QSOX2: variants seen among roughly 807,000 people sequenced by gnomAD.
QSOX2 encodes quiescin sulfhydryl oxidase 2, also known as sulfhydryl oxidase 2.
Under a neutral mutation model 61.7 loss-of-function variants are expected in QSOX2, and 46 were observed. The ratio of observed to expected loss-of-function variants is 0.75; its 90% CI spans 0.59 to 0.95. The LOEUF is 0.95. Ranked by LOEUF, QSOX2 falls within the 40% of genes least tolerant of loss-of-function variation. The pLI is 0.00. For synonymous variants in QSOX2, 383 were observed against 388.4 expected, an observed-to-expected ratio of 0.99 and a Z score of 0.16; for missense variants, 879 against 918.9, an observed-to-expected ratio of 0.96 and a Z score of 0.56.
chr9:136,244,429 A>C (rs967806351), intron 1 of QSOX2, among the ~76,000 whole-genome samples: 3 of 152,256 alleles, frequency 2.0e-5, no homozygotes, highest in Non-Finnish European at 4.4e-5. Flanking sequence ...CTTGAAAAAA[A>C]GTTTCTTTAC....
chr9:136,218,648 A>C (rs1370935869), intron 8 of QSOX2, 31 bp downstream of exon 8: 11 of 1,603,574 alleles, frequency 6.9e-6, no homozygotes, highest in Admixed American at 1.7e-5. Context: ...CCAAATTCCC[A>C]CATGCAGCCC....
rs774298291 is a variant in QSOX2 at position 136,226,888 on chromosome 9, G to A, written c.329-14C>T. On this transcript the variant is annotated splice_polypyrimidine_tract_variant and intron_variant, in intron 1 of 11. Coordinates refer to ENST00000358701, the MANE Select transcript of QSOX2 (RefSeq NM_181701.4). ...CACTGGCCCAGTCTGAAAAGCAGGAGCATGACCTTCAGTGTGGTGAGCACT... is the reference window on the plus strand; with the variant it reads ...CACTGGCCCAGTCTGAAAAGCAGGAACATGACCTTCAGTGTGGTGAGCACT... The A allele has an allele frequency of 5.0e-6, 8 of 1,611,172 alleles. No individual in the cohort carries two copies. Among genetic ancestry groups the A allele is most frequent in the Non-Finnish European group, 6.8e-6 (8 of 1,177,466 alleles).
At chr9:136,229,864 C>T (rs1033224846) in intron 1 of QSOX2, among the ~76,000 whole-genome samples, 2 of 152,232 alleles carry the variant, frequency 1.3e-5, no homozygotes, top group Non-Finnish European at 2.9e-5. Flanking sequence ...TCTATCTTCC[C>T]GTAGATCTTG....
Position 136,209,486 on chromosome 9 carries a change from G to C in QSOX2, c.1550-211C>G, listed in dbSNP as rs1466656767. 1 of 985,194 alleles carries C rather than the reference G, an allele frequency of 1.0e-6. No homozygotes were observed. Among genetic ancestry groups the C allele is most frequent in the Non-Finnish European group, 1.2e-6 (1 of 829,912 alleles). The allele number at this position is 985,194 out of a possible 1,614,324, so 61.0% of individuals were successfully genotyped here. A position where few individuals can be genotyped will look rare whatever the true frequency, so the allele number is the denominator to read the frequency against. On this transcript the variant is annotated intron_variant, in intron 11 of 11. Coordinates refer to ENST00000358701, the MANE Select transcript of QSOX2 (RefSeq NM_181701.4). The surrounding 1 kb of genome is among the most constrained non-coding windows in gnomAD (Gnocchi z 5.6). ...CCTGCTTCTGCAGGCCCCTGCGCACGTGTTCCCCTCTGCCGGTTCCCATAG... is the reference window on the plus strand; with the variant it reads ...CCTGCTTCTGCAGGCCCCTGCGCACCTGTTCCCCTCTGCCGGTTCCCATAG...
At chr9:136,210,232 A>G in intron 11 of QSOX2, 2 of 985,486 alleles carry the variant, frequency 2.0e-6, no homozygotes, top group Non-Finnish European at 2.4e-6. Flanking sequence ...AGAAGACCCC[A>G]GGCACATCTC....
intron 3 of QSOX2, among the ~76,000 whole-genome samples, 189 bp downstream of exon 3, chr9:136,224,672 A>G (rs944832140): frequency 1.3e-5 from 2 of 152,274 alleles, no homozygotes; most frequent in African/African-American, 2.4e-5. Flanking sequence ...CAAGCAAGGC[A>G]AAGCACAAAA....
chr9:136,211,742 G>A (rs551812780), intron 10 of QSOX2, among the ~76,000 whole-genome samples: 7 of 152,320 alleles, frequency 4.6e-5, no homozygotes, highest in South Asian at 2.1e-4. Flanking sequence ...GGACTCGGCC[G>A]CCAGGGCCCA....
chr9:136,216,215 ACTGGCACCTG>A (rs1366686355), intron 9 of QSOX2, among the ~76,000 whole-genome samples: 5 of 152,168 alleles, frequency 3.3e-5, no homozygotes, highest in Non-Finnish European at 7.4e-5. Context: ...CTGAGCAAAG[ACTGGCACCTG>A]CTGGCACCTG....
intron 1 of QSOX2, among the ~76,000 whole-genome samples, chr9:136,236,020 G>C (rs532462871): frequency 1.3e-5 from 2 of 152,334 alleles, no homozygotes; most frequent in Non-Finnish European, 2.9e-5. Context: ...GTCTCCCTCT[G>C]GGTCCGAAGT....
intron 8 of QSOX2, among the ~76,000 whole-genome samples, chr9:136,217,496 T>C (rs1489712782): frequency 6.6e-6 from 1 of 152,158 alleles, no homozygotes; most frequent in Non-Finnish European, 1.5e-5. Flanking sequence ...GTCCAATATA[T>C]TTTCTCCCGT....
chr9:136,219,105 T>C lies in QSOX2; in HGVS notation c.881A>G (p.Lys294Arg), dbSNP rs1303907697. 18 of 1,613,998 alleles carry C rather than the reference T, an allele frequency of 1.1e-5. No individual in the cohort carries two copies. The highest frequency in any genetic ancestry group is 1.4e-5 in the Non-Finnish European group (17 of 1,180,044). Residue 294 changes from lysine (K) to arginine (R), a missense_variant, in exon 7 of 12, where the codon AAA becomes AGA. Lys to Arg is a conservative substitution (Grantham distance 26, BLOSUM62 2). Coordinates refer to ENST00000358701, the MANE Select transcript of QSOX2 (RefSeq NM_181701.4). ...CTTTTCAGGCAAGGGAAGCGATTTT[T>C]TCCTCACATCCGGCAATGACTTCAA... is the stretch of plus-strand genomic sequence containing the variant. ...SYLKSLPDVR[K>R]KSLPLPEKPH... is the part of the protein sequence containing the mutation.
At position 136,209,206 on chromosome 9, in the gene QSOX2, T is replaced by C. The variant is rs748403670; in HGVS notation, c.1619A>G (p.His540Arg). The C allele has an allele frequency of 1.2e-6, 2 of 1,614,114 alleles. No homozygotes were observed. The highest frequency in any genetic ancestry group is 2.7e-5 in the African/African-American group (2 of 75,028). Residue 540 changes from histidine to arginine, a missense_variant, in exon 12 of 12, where the codon CAT (histidine) becomes CGT (arginine). His to Arg is a conservative substitution (Grantham distance 29). Coordinates refer to ENST00000358701, the MANE Select transcript of QSOX2 (RefSeq NM_181701.4). This position sits in a 1 kb window ranked among gnomAD's most constrained non-coding sequence, Gnocchi z 5.6. ...GCTGGCCAGGCCCTTAATTTCCTCA[T>C]GGCAGGCTGGGCAGAGGTCCGGAGT... ...WPTPDLCPAC[H>R]EEIKGLASWD...
intron 1 of QSOX2, among the ~76,000 whole-genome samples, chr9:136,241,235 C>T (rs910918295): frequency 7.2e-5 from 11 of 152,326 alleles, no homozygotes; most frequent in Non-Finnish European, 2.9e-5. Context: ...CCTCCACTGC[C>T]CAACTCTTCC....
chr9:136,210,620 GCAAAGAAAAACCAA>G, intron 11 of QSOX2: 1 of 985,448 alleles, frequency 1.0e-6, no homozygotes, highest in Non-Finnish European at 1.2e-6. Flanking sequence ...CAGGCTCAGG[GCAAAGAAAAACCAA>G]TTTCTTTAGT....
chr9:136,237,082 CTGTGCCACACCTGGAGCCTGTCT>C (rs1359892889), intron 1 of QSOX2, among the ~76,000 whole-genome samples: 3 of 139,446 alleles, frequency 2.2e-5, no homozygotes, highest in Admixed American at 7.3e-5. Context: ...GGTGCCCGTC[CTGTGCCACACCTGGAGCCTGTCT>C]TGTGCCACAC....
intron 1 of QSOX2, among the ~76,000 whole-genome samples, chr9:136,228,868 A>G (rs1165641701): frequency 3.3e-5 from 5 of 152,188 alleles, no homozygotes; most frequent in East Asian, 1.9e-4. Context: ...CAATGATTCC[A>G]CTATAAATCA....
chr9:136,239,601 C>CA (rs2131070308), intron 1 of QSOX2, among the ~76,000 whole-genome samples: 1 of 152,388 alleles, frequency 6.6e-6, no homozygotes, highest in East Asian at 1.9e-4. Flanking sequence ...CCCCTGCACA[C>CA]ACTGCAGGGC....
chr9:136,211,029 G>A (rs566060051), intron 11 of QSOX2: 80 of 548,180 alleles, frequency 1.5e-4, no homozygotes, highest in Non-Finnish European at 1.7e-4. Flanking sequence ...CCACGGGGTC[G>A]AAGAGCCCCC....
intron 9 of QSOX2, 97 bp from the exon 10 acceptor site, chr9:136,215,401 T>C: frequency 1.4e-5 from 7 of 484,208 alleles, no homozygotes; most frequent in Non-Finnish European, 2.1e-5. Flanking sequence ...GGGGGGTGGA[T>C]AATGGGGGTG....
Sources: gnomAD v4.1 joint callset for allele counts (sites outside exome capture counted in the v4.1 genomes callset) on GRCh38, gnomAD v4.1.1 for gene constraint, Gnocchi (gnomAD v3.1) non-coding constraint, MANE v1.5 for transcripts, NCBI Gene and HGNC (gene_info 2026-07-23, HGNC 2026-07-21) for gene names.